ATRNL1: variants seen among roughly 807,000 people sequenced by gnomAD.
The protein encoded by ATRNL1 is attractin like 1.
Under a neutral mutation model 182.7 loss-of-function variants are expected in ATRNL1, and 95 were observed. The observed-to-expected ratio is 0.52, with a 90% confidence interval of 0.44 to 0.62. The LOEUF is 0.62. Ranked by LOEUF, ATRNL1 falls within the 20% of genes least tolerant of loss-of-function variation. The probability of loss-of-function intolerance (pLI) is 0.00; values close to 1 mark genes in which losing one functional copy is unlikely to be tolerated. For missense variants in ATRNL1, 1,471 were observed against 1,679.5 expected, an observed-to-expected ratio of 0.88 and a Z score of 2.17; for synonymous variants, 576 against 568.3, an observed-to-expected ratio of 1.01 and a Z score of -0.19.
intron 27 of ATRNL1, among the ~76,000 whole-genome samples, chr10:115,732,311 T>C (rs1452897994): frequency 6.6e-6 from 1 of 152,158 alleles, no homozygotes; most frequent in African/African-American, 2.4e-5. Context: ...ATTTCTGGAA[T>C]CTCAATATTA....
intron 27 of ATRNL1, among the ~76,000 whole-genome samples, chr10:115,774,312 C>A (rs1163667751): frequency 6.6e-6 from 1 of 150,444 alleles, no homozygotes; most frequent in Non-Finnish European, 1.5e-5. Context: ...CCTGTAATCC[C>A]AGCTACTCAA....
intron 27 of ATRNL1, among the ~76,000 whole-genome samples, chr10:115,822,576 C>T (rs564161607): frequency 6.8e-6 from 1 of 147,456 alleles, no homozygotes; most frequent in South Asian, 2.2e-4. Context: ...CAAACAGACA[C>T]AATAAAAAAT....
chr10:115,180,281 G>A (rs1316858697), intron 8 of ATRNL1, among the ~76,000 whole-genome samples: 1 of 151,822 alleles, frequency 6.6e-6, no homozygotes, highest in Non-Finnish European at 1.5e-5. Context: ...ACATGTGCAT[G>A]TCATCTGGTT....
At position 115,267,020 on chromosome 10, in the gene ATRNL1, C is replaced by T; in HGVS notation, c.1981+15C>T. 1 of 1,567,306 alleles carries T rather than the reference C, an allele frequency of 6.4e-7. No homozygotes were observed. Among genetic ancestry groups the T allele is most frequent in the Non-Finnish European group, 8.7e-7 (1 of 1,145,994 alleles). ...TCCTAAAACAGGTAAATTTCTTTTT[C>T]TTTTCGTCTTTGTGGCAGCAAAATT... On this transcript the variant is annotated intron_variant, in intron 12 of 28. Transcript: ENST00000355044.
intron 26 of ATRNL1, among the ~76,000 whole-genome samples, chr10:115,611,329 T>G (rs2133965093): frequency 6.6e-6 from 1 of 152,264 alleles, no homozygotes; most frequent in African/African-American, 2.4e-5. Flanking sequence ...ATTTTTATCT[T>G]ACTTATCTCG....
chr10:115,782,360 C>G (rs1167094883), intron 27 of ATRNL1, among the ~76,000 whole-genome samples: 1 of 152,142 alleles, frequency 6.6e-6, no homozygotes, highest in Admixed American at 6.5e-5. Context: ...GAAATTGAAC[C>G]TTTACATTAA....
Position 115,367,831 on chromosome 10 carries a change from C to T in ATRNL1, c.3176-26828C>T, listed in dbSNP as rs548926651. Among the ~76,000 whole-genome samples, 365 of 145,798 alleles carry T rather than the reference C, an allele frequency of 2.5e-3. 1 individual carries two copies. Among genetic ancestry groups the T allele is most frequent in the Non-Finnish European group, 4.3e-3 (282 of 65,492 alleles). On this transcript the variant is annotated intron_variant, in intron 19 of 28. Coordinates refer to ENST00000355044, the MANE Select transcript of ATRNL1 (RefSeq NM_207303.4). ...GGGGGTGCCTCCCAGTTAGGCTGCT[C>T]GGGGGTCAGGGGTCAGGGACCCACT... is the stretch of plus-strand genomic sequence containing the variant.
chr10:115,633,633 T>C (rs1858666851), intron 26 of ATRNL1, among the ~76,000 whole-genome samples: 1 of 152,140 alleles, frequency 6.6e-6, no homozygotes, highest in Admixed American at 6.6e-5. Flanking sequence ...ATAGATAAAA[T>C]TAGTAATGGT....
In ATRNL1 at chr10:115,717,548, C is replaced by CTTTTTTTTTTTTTTTT. The variant is rs61386440; in HGVS notation, c.3796-9694_3796-9679dup. Among the ~76,000 whole-genome samples, 57 of 84,356 alleles carry CTTTTTTTTTTTTTTTT rather than the reference C, an allele frequency of 6.8e-4. 5 individuals are homozygous for CTTTTTTTTTTTTTTTT. The highest frequency in any genetic ancestry group is 1.7e-3 in the East Asian group (4 of 2,386). The allele number at this position is 84,356 out of a possible 152,430, so 55.3% of individuals were successfully genotyped here. On this transcript the variant is annotated intron_variant, in intron 26 of 28. Transcript: ENST00000355044. ...TGATTTTCCCGCTGCCTGAAATGTT[C>CTTTTTTTTTTTTTTTT]TTTTTTTTTTTTTTTTTTTTTGAGA...
chr10:115,174,669 A>G (rs1847426661), intron 8 of ATRNL1, among the ~76,000 whole-genome samples: 1 of 151,976 alleles, frequency 6.6e-6, no homozygotes, highest in Non-Finnish European at 1.5e-5. Context: ...TTGTAGCCTG[A>G]AAGTTGCCAT....
chr10:115,796,509 C>T (rs1484520476), intron 27 of ATRNL1, among the ~76,000 whole-genome samples: 4 of 152,262 alleles, frequency 2.6e-5, no homozygotes, highest in African/African-American at 7.2e-5. Flanking sequence ...AGTTCATGGC[C>T]GAAGGAACCA....
intron 22 of ATRNL1, among the ~76,000 whole-genome samples, chr10:115,464,956 C>T (rs760186986): frequency 6.6e-5 from 10 of 151,618 alleles, no homozygotes; most frequent in South Asian, 2.1e-4. Flanking sequence ...TACCTAATAA[C>T]GATAACACTA....
intron 8 of ATRNL1, among the ~76,000 whole-genome samples, chr10:115,213,906 T>C (rs1332978533): frequency 1.3e-5 from 2 of 152,090 alleles, no homozygotes; most frequent in Non-Finnish European, 2.9e-5. Context: ...AGTAGAGTTA[T>C]TTAAATAAAT....
At chr10:115,536,071 C>G (rs890753637) in intron 25 of ATRNL1, among the ~76,000 whole-genome samples, 13 of 151,908 alleles carry the variant, frequency 8.6e-5, no homozygotes, top group Non-Finnish European at 1.5e-4. Context: ...CAGGGACCCA[C>G]TTGAGGAGGC....
chr10:115,676,281 G>A (rs146946654), intron 26 of ATRNL1, among the ~76,000 whole-genome samples: 1 of 152,076 alleles, frequency 6.6e-6, no homozygotes, highest in Non-Finnish European at 1.5e-5. Context: ...AACTTTCAAA[G>A]ATATTGTACA....
chr10:115,267,252 A>G (rs1335326403), intron 12 of ATRNL1, among the ~76,000 whole-genome samples: 1 of 150,734 alleles, frequency 6.6e-6, no homozygotes, highest in South Asian at 2.1e-4. Context: ...TAACATTGTC[A>G]TATATATGAA....
chr10:115,181,749 G>A (rs181421391), intron 8 of ATRNL1, among the ~76,000 whole-genome samples: 2 of 151,582 alleles, frequency 1.3e-5, no homozygotes, highest in Non-Finnish European at 3.0e-5. Flanking sequence ...GTATTATTGC[G>A]GTGCCCGAAG....
intron 18 of ATRNL1, among the ~76,000 whole-genome samples, chr10:115,332,290 C>G (rs1592467005): frequency 6.6e-6 from 1 of 152,146 alleles, no homozygotes. Context: ...TTTTACTAGT[C>G]TGTAGTCTGG....
chr10:115,890,118 T>G (rs1198365584), intron 28 of ATRNL1, among the ~76,000 whole-genome samples: 1 of 152,190 alleles, frequency 6.6e-6, no homozygotes, highest in Non-Finnish European at 1.5e-5. Context: ...AGTACAAACA[T>G]TAAATCGTGA....
Sources: allele counts gnomAD v4.1 joint callset (sites outside exome capture counted in the v4.1 genomes callset), GRCh38; gene constraint gnomAD v4.1.1; transcripts MANE v1.5; gene names NCBI Gene and HGNC (gene_info 2026-07-23, HGNC 2026-07-21).